VPS41: variants seen among roughly 807,000 people sequenced by gnomAD.
The protein encoded by VPS41 is vacuolar protein sorting-associated protein 41 homolog.
Under a neutral mutation model 130.9 loss-of-function variants are expected in VPS41, and 85 were observed. That is an observed-to-expected ratio of 0.65 (90% CI 0.55 to 0.78). VPS41 has a LOEUF of 0.78. VPS41 is among the 30% of genes least tolerant of loss of function. The pLI is 0.00. For synonymous variants in VPS41, 335 were observed against 332.9 expected, an observed-to-expected ratio of 1.01 and a Z score of -0.07; for missense variants, 874 against 1,018.7, an observed-to-expected ratio of 0.86 and a Z score of 1.93.
intron 2 of VPS41, among the ~76,000 whole-genome samples, chr7:38,893,595 C>T (rs1057404061): frequency 1.3e-5 from 2 of 152,212 alleles, no homozygotes; most frequent in Non-Finnish European, 1.5e-5. Flanking sequence ...CAGTACACTG[C>T]ATATTTTTCA....
intron 17 of VPS41, among the ~76,000 whole-genome samples, chr7:38,760,693 TG>T (rs1783892715): frequency 6.6e-6 from 1 of 152,136 alleles, no homozygotes; most frequent in Non-Finnish European, 1.5e-5. Flanking sequence ...TCCCCAAGTA[TG>T]TCCCTAACCT....
chr7:38,786,321 T>A (rs1021608331), intron 10 of VPS41, among the ~76,000 whole-genome samples: 2 of 152,228 alleles, frequency 1.3e-5, no homozygotes, highest in Non-Finnish European at 2.9e-5. Flanking sequence ...CTGGGAAGAT[T>A]AGATGACCTT....
At chr7:38,761,507 T>A (rs944722345) in intron 17 of VPS41, among the ~76,000 whole-genome samples, 8 of 151,420 alleles carry the variant, frequency 5.3e-5, no homozygotes, top group African/African-American at 1.9e-4. Flanking sequence ...ATGGTCTCCA[T>A]CTCCTGACCT....
intron 4 of VPS41, among the ~76,000 whole-genome samples, chr7:38,844,515 T>C (rs2116237256): frequency 6.6e-6 from 1 of 152,172 alleles, no homozygotes; most frequent in African/African-American, 2.4e-5. Context: ...CTTTAACATC[T>C]TGGAAATAAT....
rs546224078 is a variant in VPS41, at chr7:38,813,997, G to A, written c.450+3820C>T. Among the ~76,000 whole-genome samples, 117 of 152,196 alleles carry A rather than the reference G, an allele frequency of 7.7e-4. No homozygotes were observed. In the South Asian group the frequency reaches 0.011, roughly 14 times the overall value. Reference sequence around the variant, plus strand: ...ATGTTCTGCCTGTTCAGCATTTTTTGAATTCTACTTATCTTATTGCTTATC... The same window carrying A: ...ATGTTCTGCCTGTTCAGCATTTTTTAAATTCTACTTATCTTATTGCTTATC... On this transcript the variant is annotated intron_variant, in intron 7 of 28. Transcript: ENST00000310301.
chr7:38,781,221 T>C (rs943742039), intron 10 of VPS41, among the ~76,000 whole-genome samples: 1 of 152,200 alleles, frequency 6.6e-6, no homozygotes, highest in African/African-American at 2.4e-5. Flanking sequence ...TGTAATAATA[T>C]AAAAAGTGAT....
chr7:38,895,174 G>A (rs1382523580), intron 2 of VPS41, among the ~76,000 whole-genome samples: 1 of 152,020 alleles, frequency 6.6e-6, no homozygotes, highest in Non-Finnish European at 1.5e-5. Flanking sequence ...ACACAAAAGT[G>A]AACTGGGCGT....
intron 6 of VPS41, among the ~76,000 whole-genome samples, chr7:38,819,937 T>C (rs887449916): frequency 6.6e-5 from 10 of 152,196 alleles, no homozygotes; most frequent in African/African-American, 1.9e-4. Flanking sequence ...CTGAGGCCCA[T>C]ATTCATGTTT....
intron 8 of VPS41, among the ~76,000 whole-genome samples, chr7:38,796,129 TA>T (rs1363866106): frequency 6.6e-6 from 1 of 152,170 alleles, no homozygotes; most frequent in Non-Finnish European, 1.5e-5. Flanking sequence ...AAGTCCAGAA[TA>T]AAAAGGTAGA....
chr7:38,734,424 T>A (rs780699642), intron 25 of VPS41, among the ~76,000 whole-genome samples: 1 of 152,194 alleles, frequency 6.6e-6, no homozygotes, highest in African/African-American at 2.4e-5. Flanking sequence ...CAACCAGCTA[T>A]GGCTTCTATA....
chr7:38,789,664 A>G (rs1035832044), intron 10 of VPS41, 137 bp downstream of exon 10: 25 of 721,916 alleles, frequency 3.5e-5, no homozygotes, highest in Admixed American at 3.3e-4. Flanking sequence ...AGTAATTCAC[A>G]GTGGAAGAAG....
chr7:38,878,804 T>C (rs1786543042), intron 2 of VPS41, among the ~76,000 whole-genome samples: 2 of 152,212 alleles, frequency 1.3e-5, no homozygotes, highest in South Asian at 4.1e-4. Context: ...GAGCCACGAA[T>C]GACCATTTGA....
At chr7:38,734,122 A>G (rs182042304) in intron 25 of VPS41, among the ~76,000 whole-genome samples, 134 of 152,268 alleles carry the variant, frequency 8.8e-4, no homozygotes, top group Non-Finnish European at 1.6e-3. Flanking sequence ...CTGAGGATAA[A>G]CCAGTCTTTT....
chr7:38,838,916 ACC>A (rs1482957913), intron 4 of VPS41, among the ~76,000 whole-genome samples: 1 of 152,126 alleles, frequency 6.6e-6, no homozygotes. Flanking sequence ...TCATCATCCC[ACC>A]TTAAGCTATC....
chr7:38,887,413 G>A (rs1417346715), intron 2 of VPS41, among the ~76,000 whole-genome samples: 2 of 152,236 alleles, frequency 1.3e-5, no homozygotes, highest in East Asian at 1.9e-4. Flanking sequence ...TCGATCGGCT[G>A]GAAGAAAGGA....
At chr7:38,741,689 T>C (rs951496646) in intron 25 of VPS41, among the ~76,000 whole-genome samples, 2 of 152,238 alleles carry the variant, frequency 1.3e-5, no homozygotes, top group African/African-American at 4.8e-5. Context: ...CTCGATTCCA[T>C]GTTATATTAA....
At chr7:38,903,784 G>A (rs1787194571) in intron 1 of VPS41, among the ~76,000 whole-genome samples, 2 of 152,154 alleles carry the variant, frequency 1.3e-5, no homozygotes. Flanking sequence ...GTTGTGGCCA[G>A]CTTTAGACAC....
chr7:38,744,345 A>C (rs1276983575), intron 23 of VPS41, among the ~76,000 whole-genome samples: 1 of 152,204 alleles, frequency 6.6e-6, no homozygotes, highest in Non-Finnish European at 1.5e-5. Context: ...TGCAGGAACT[A>C]GTAAAGGATC....
chr7:38,800,898 A>T (rs538974222), intron 7 of VPS41, among the ~76,000 whole-genome samples: 1 of 152,352 alleles, frequency 6.6e-6, no homozygotes, highest in East Asian at 1.9e-4. Flanking sequence ...TTTGAGGCAT[A>T]TTGAACATGT....
Sources: allele counts gnomAD v4.1 joint callset (sites outside exome capture counted in the v4.1 genomes callset), GRCh38; gene constraint gnomAD v4.1.1; transcripts MANE v1.5; gene names NCBI Gene and HGNC (gene_info 2026-07-23, HGNC 2026-07-21).